Variants in EPM2A observed in about 807,000 individuals in gnomAD.
EPM2A encodes the protein EPM2A glucan phosphatase, laforin.
A neutral mutation model predicts 26.5 loss-of-function variants in EPM2A; 21 were observed. The ratio of observed to expected loss-of-function variants is 0.79; its 90% CI spans 0.56 to 1.14. The LOEUF (loss-of-function observed/expected upper bound fraction) is 1.14. EPM2A is among the 50% of genes most tolerant of loss of function. The pLI is 0.00. For synonymous variants in EPM2A, 217 were observed against 177.6 expected, an observed-to-expected ratio of 1.22 and a Z score of -1.76; for missense variants, 458 against 440.8, an observed-to-expected ratio of 1.04 and a Z score of -0.35.
intron 1 of EPM2A, among the ~76,000 whole-genome samples, chr6:145,707,606 C>T (rs1197610407): frequency 6.6e-6 from 1 of 152,120 alleles, no homozygotes; most frequent in Non-Finnish European, 1.5e-5. Flanking sequence ...AGGGTATACC[C>T]TTGTACATGT....
chr6:145,703,663 T>C (rs1782057837), intron 1 of EPM2A, among the ~76,000 whole-genome samples: 1 of 152,188 alleles, frequency 6.6e-6, no homozygotes, highest in Non-Finnish European at 1.5e-5. Context: ...ATGACTCTGA[T>C]CTTCATGCTG....
intron 4 of EPM2A, among the ~76,000 whole-genome samples, chr6:145,429,483 A>G (rs1778896013): frequency 6.6e-6 from 1 of 152,148 alleles, no homozygotes; most frequent in Non-Finnish European, 1.5e-5. Flanking sequence ...GTTCTGAAAT[A>G]ATTAAAAAAC....
intron 2 of EPM2A, chr6:145,684,748 C>T (rs1020328216): frequency 2.0e-5 from 3 of 151,984 alleles, no homozygotes; most frequent in Non-Finnish European, 2.9e-5. Flanking sequence ...TACCTCAATC[C>T]CTACTTCAAA....
intron 4 of EPM2A, among the ~76,000 whole-genome samples, chr6:145,407,289 A>G (rs1346766849): frequency 6.6e-6 from 1 of 152,146 alleles, no homozygotes; most frequent in Non-Finnish European, 1.5e-5. Flanking sequence ...AATTTGAGCA[A>G]TCTTAGGCAT....
intron 2 of EPM2A, among the ~76,000 whole-genome samples, chr6:145,586,715 T>C (rs1781200325): frequency 6.6e-6 from 1 of 152,164 alleles, no homozygotes; most frequent in Admixed American, 6.5e-5. Context: ...ATTTAGTTAA[T>C]AGTAGTTTCC....
At chr6:145,389,984 G>A (rs1211850520) in intron 4 of EPM2A, among the ~76,000 whole-genome samples, 1 of 152,160 alleles carries the variant, frequency 6.6e-6, no homozygotes, top group Non-Finnish European at 1.5e-5. Context: ...TTTGTGTATA[G>A]TCAGGGATTT....
chr6:145,411,948 G>A (rs1305726325), intron 4 of EPM2A, among the ~76,000 whole-genome samples: 1 of 152,104 alleles, frequency 6.6e-6, no homozygotes, highest in African/African-American at 2.4e-5. Flanking sequence ...GACTGGGTGT[G>A]GTGGCTCAAG....
At chr6:145,647,201 G>A (rs1777541442) in intron 2 of EPM2A, among the ~76,000 whole-genome samples, 1 of 151,956 alleles carries the variant, frequency 6.6e-6, no homozygotes, top group East Asian at 1.9e-4. Context: ...TCAATCTTTT[G>A]GCCTGACTCT....
chr6:145,641,923 A>C (rs1184355846), intron 2 of EPM2A, among the ~76,000 whole-genome samples: 5 of 152,166 alleles, frequency 3.3e-5, no homozygotes, highest in Non-Finnish European at 2.9e-5. Flanking sequence ...GTCCTCTTAC[A>C]TGACTCTCAG....
At chr6:145,386,010 G>A in intron 4 of EPM2A, among the ~76,000 whole-genome samples, 1 of 151,914 alleles carries the variant, frequency 6.6e-6, no homozygotes, top group Non-Finnish European at 1.5e-5. Context: ...ATGCATTCCA[G>A]TTTCTACTAT....
chr6:145,703,739 T>C lies in EPM2A; in HGVS notation c.302-17443A>G, dbSNP rs536308445. 6.5e-4 allele frequency among the ~76,000 whole-genome samples: 99 copies of C among 152,298 alleles called. 4 individuals carry two copies. The South Asian group carries it at 0.02, about 31-fold the overall frequency. On this transcript the variant is annotated intron_variant, in intron 1 of 3. Transcript: ENST00000367519. The stretch of plus-strand genomic sequence containing the variant: ...CTCAAAACCTTAATATCAACAAAAG[T>C]CAGCAAGGAATTATTCACCAAGCTT...
At chr6:145,397,742 C>T (rs2114663713) in intron 4 of EPM2A, among the ~76,000 whole-genome samples, 1 of 152,274 alleles carries the variant, frequency 6.6e-6, no homozygotes, top group East Asian at 1.9e-4. Flanking sequence ...ATTGACCAAC[C>T]TGTGTGCTGT....
At chr6:145,665,450 C>A in intron 2 of EPM2A, among the ~76,000 whole-genome samples, 1 of 107,966 alleles carries the variant, frequency 9.3e-6, no homozygotes, top group Non-Finnish European at 1.8e-5. Flanking sequence ...TACACTCTCC[C>A]AAGACTAAAC....
chr6:145,677,414 T>A (rs991093061), intron 2 of EPM2A, among the ~76,000 whole-genome samples: 2 of 152,198 alleles, frequency 1.3e-5, no homozygotes, highest in African/African-American at 4.8e-5. Flanking sequence ...TTCAACATAG[T>A]GTTGGAAGTT....
chr6:145,674,529 G>A (rs1479423729), intron 2 of EPM2A, among the ~76,000 whole-genome samples: 1 of 152,060 alleles, frequency 6.6e-6, no homozygotes, highest in Non-Finnish European at 1.5e-5. Flanking sequence ...TCAGAAGGAA[G>A]CTAAAAACCT....
downstream of EPM2A, among the ~76,000 whole-genome samples, chr6:145,623,871 T>A (rs1040692388): frequency 6.6e-6 from 1 of 152,178 alleles, no homozygotes; most frequent in Non-Finnish European, 1.5e-5. Flanking sequence ...TCTGGATGAT[T>A]TGAATGTGAC....
chr6:145,691,375 A>T (rs117886606), intron 1 of EPM2A, among the ~76,000 whole-genome samples: 8 of 152,166 alleles, frequency 5.3e-5, no homozygotes, highest in Non-Finnish European at 1.2e-4. Context: ...GTCAACCAAG[A>T]ATCTTACTTT....
At chr6:145,547,450 T>C (rs748811286) in intron 2 of EPM2A, among the ~76,000 whole-genome samples, 7 of 152,118 alleles carry the variant, frequency 4.6e-5, no homozygotes, top group Admixed American at 2.0e-4. Flanking sequence ...ATAAGCAAAG[T>C]GCATCAGCTG....
chr6:145,450,350 C>CA (rs368618860), intron 4 of EPM2A, among the ~76,000 whole-genome samples: 4,806 of 61,630 alleles, frequency 0.078, 225 homozygotes, highest in Non-Finnish European at 0.095. Flanking sequence ...GACTCCGTCT[C>CA]AAAAAAAAAA....
Sources: allele counts gnomAD v4.1 joint callset (sites outside exome capture counted in the v4.1 genomes callset), GRCh38; gene constraint gnomAD v4.1.1; transcripts MANE v1.5; gene names NCBI Gene and HGNC (gene_info 2026-07-23, HGNC 2026-07-21).